The following SPECC1L variants were observed in gnomAD, a reference collection of about 807,000 sequenced individuals.
SPECC1L encodes the protein sperm antigen with calponin homology and coiled-coil domains 1 like, also known as cytospin-A.
SPECC1L carries 40 observed loss-of-function variants against 116.8 expected under a neutral mutation model. The ratio of observed to expected loss-of-function variants is 0.34; its 90% CI spans 0.27 to 0.45. The LOEUF (loss-of-function observed/expected upper bound fraction) is 0.45. Among genes scored for constraint, SPECC1L ranks in the 20% least tolerant of loss-of-function variants. The pLI is 1.00. For synonymous variants in SPECC1L, 504 were observed against 500.6 expected, an observed-to-expected ratio of 1.01 and a Z score of -0.09; for missense variants, 1,110 against 1,373.6, an observed-to-expected ratio of 0.81 and a Z score of 3.03.
chr22:24,356,319 T>C (rs2041532677), intron 11 of SPECC1L, among the ~76,000 whole-genome samples: 1 of 152,198 alleles, frequency 6.6e-6, no homozygotes, highest in African/African-American at 2.4e-5. Context: ...TTTAGTTCTA[T>C]CAGGTTTTAC....
At chr22:24,405,386 G>A (rs996063317) in intron 14 of SPECC1L, among the ~76,000 whole-genome samples, 3 of 151,730 alleles carry the variant, frequency 2.0e-5, no homozygotes, top group African/African-American at 4.8e-5. Context: ...TATGATGAGG[G>A]TCAGCAGAAT....
chr22:24,327,223 A>G (rs563619140), intron 6 of SPECC1L, among the ~76,000 whole-genome samples: 51 of 139,176 alleles, frequency 3.7e-4, no homozygotes, highest in Admixed American at 6.3e-4. Flanking sequence ...GGTTGCAGTG[A>G]GCTGAAATCA....
intron 14 of SPECC1L, among the ~76,000 whole-genome samples, chr22:24,392,311 A>G (rs2042288088): frequency 6.6e-6 from 1 of 152,026 alleles, no homozygotes; most frequent in African/African-American, 2.4e-5. Flanking sequence ...CTCTGGGTCA[A>G]ATAATCTTTA....
chr22:24,320,899 C>G (rs1237162616), intron 4 of SPECC1L, among the ~76,000 whole-genome samples: 1 of 152,202 alleles, frequency 6.6e-6, no homozygotes, highest in Non-Finnish European at 1.5e-5. Flanking sequence ...CACCGACTGG[C>G]TAATCCTGGA....
chr22:24,275,219 G>A lies in SPECC1L; in HGVS notation c.-141-1481G>A, dbSNP rs139756406. On this transcript the variant is annotated intron_variant, in intron 1 of 16. Coordinates refer to ENST00000314328, the MANE Select transcript of SPECC1L (RefSeq NM_015330.6). ...TAAGTGTGTGGCTTGACAGAAAGTT[G>A]TTGACTCTGCTGGGGTGCTGGTACA... Among the ~76,000 whole-genome samples, 1,385 of 152,344 alleles carry A rather than the reference G, an allele frequency of 9.1e-3. 9 individuals carry two copies. Among genetic ancestry groups the A allele is most frequent in the African/African-American group, 0.031 (1,291 of 41,562 alleles).
At chr22:24,354,341 T>G (rs1056464880) in intron 11 of SPECC1L, among the ~76,000 whole-genome samples, 5 of 152,250 alleles carry the variant, frequency 3.3e-5, no homozygotes, top group African/African-American at 4.8e-5. Context: ...TACCGTGGTG[T>G]TTCAGTGGTG....
At chr22:24,342,562 A>G (rs1300986171) in intron 10 of SPECC1L, among the ~76,000 whole-genome samples, 2 of 151,932 alleles carry the variant, frequency 1.3e-5, no homozygotes, top group Non-Finnish European at 2.9e-5. Flanking sequence ...AATCCCAGCT[A>G]CGCAGGAGGC....
Position 24,322,634 on chromosome 22 carries a change from C to T in SPECC1L, c.1654C>T (p.Gln552Ter). The T allele has an allele frequency of 6.2e-7, 1 of 1,613,914 alleles. No homozygotes were observed. The highest frequency in any genetic ancestry group is 8.5e-7 in the Non-Finnish European group (1 of 1,179,962). ...TATGGAGCGAATTATTGAGTCTGAG[C>T]AGAAAGGAAAAGCAGCCTTGGCAGC... is the stretch of plus-strand genomic sequence containing the variant. ...HHMERIIESE[Q>*]KGKAALAATL... The change falls in exon 5 of 17, where the codon CAG becomes TAG. Residue 552 changes from glutamine (Q) to a stop codon, truncating the protein, a stop_gained. Coordinates refer to ENST00000314328, the MANE Select transcript of SPECC1L (RefSeq NM_015330.6). LOFTEE classifies it high-confidence loss of function.
rs1269715453 is a variant in SPECC1L, at chr22:24,338,474, G to A, written c.2649G>A (p.Met883Ile). The A allele has an allele frequency of 6.2e-7, 1 of 1,614,008 alleles. No homozygotes were observed. Among genetic ancestry groups the A allele is most frequent in the Non-Finnish European group, 8.5e-7 (1 of 1,179,922 alleles). The part of the protein sequence containing the change: ...KTPPAAAVSP[M>I]QRHSISGPIS... ...CTCCTGCAGCAGCTGTGTCCCCTAT[G>A]CAGGTGAGTGCCTGGAACCACAGGA... Residue 883 changes from methionine to isoleucine, a missense_variant, in exon 10 of 17, where the codon ATG becomes ATA. Around this residue, in one of 4 missense-constraint regions of SPECC1L, gnomAD observed 575 missense variants for 682.4 expected, o/e 0.84. Transcript: ENST00000314328.
chr22:24,343,131 T>A (rs1050761232), intron 10 of SPECC1L, among the ~76,000 whole-genome samples: 2 of 151,850 alleles, frequency 1.3e-5, no homozygotes, highest in African/African-American at 4.8e-5. Flanking sequence ...GAGGCAGAGG[T>A]TGCAGTGAGC....
At position 24,412,797 on chromosome 22, in the gene SPECC1L, G is replaced by A. The variant is rs185535055; in HGVS notation, c.3264+90G>A. 8 of 1,415,762 alleles carry A rather than the reference G, an allele frequency of 5.7e-6. No homozygotes were observed. The Admixed American group carries it at 1.0e-4, about 18-fold the overall frequency. The allele number at this position is 1,415,762 out of a possible 1,614,324, so 87.7% of individuals were successfully genotyped here. A position where few individuals can be genotyped will look rare whatever the true frequency, so the allele number is the denominator to read the frequency against. On this transcript the variant is annotated intron_variant, in intron 16 of 16. Transcript: ENST00000314328. The stretch of plus-strand genomic sequence containing the variant: ...GTTTAAGCTGAATCCTCGTGGGCAT[G>A]GGGTAGTGTGGCTGCCTGGTAAAAG...
chr22:24,368,081 CT>C (rs2041806587), intron 13 of SPECC1L, among the ~76,000 whole-genome samples: 1 of 152,116 alleles, frequency 6.6e-6, no homozygotes, highest in Non-Finnish European at 1.5e-5. Context: ...ATTGCAAAAC[CT>C]TTTTTGATTA....
Position 24,365,544 on chromosome 22 carries a change from C to T in SPECC1L, c.2896C>T (p.Leu966=), listed in dbSNP as rs1430423521. The T allele has an allele frequency of 6.2e-7, 1 of 1,614,080 alleles. No homozygotes were observed. The highest frequency in any genetic ancestry group is 2.2e-5 in the East Asian group (1 of 44,878). The change falls in exon 13 of 17, where the codon CTG becomes TTG. Residue 966 remains leucine, a synonymous_variant. Coordinates refer to ENST00000314328, the MANE Select transcript of SPECC1L (RefSeq NM_015330.6). ...ACAGGAGGGAGCGTCGCCAGCCTCTCTGATGGCTATGGGAACCACGTCTCC... is the reference window on the plus strand; with the variant it reads ...ACAGGAGGGAGCGTCGCCAGCCTCTTTGATGGCTATGGGAACCACGTCTCC... ...SAQEGASPAS[L]MAMGTTSPQL...
chr22:24,414,453 C>A, intron 16 of SPECC1L, 81 bp from the exon 17 acceptor site: 1 of 1,135,530 alleles, frequency 8.8e-7, no homozygotes, highest in Non-Finnish European at 1.3e-6. Flanking sequence ...ACTCCAAGAG[C>A]CCATGTTGCT....
At chr22:24,309,125 A>G (rs969810830) in intron 3 of SPECC1L, among the ~76,000 whole-genome samples, 3 of 150,382 alleles carry the variant, frequency 2.0e-5, no homozygotes, top group Admixed American at 6.8e-5. Flanking sequence ...AGATGTGTTC[A>G]TTGCTTTTGG....
At chr22:24,351,527 A>G (rs1377551806) in intron 11 of SPECC1L, among the ~76,000 whole-genome samples, 2 of 152,322 alleles carry the variant, frequency 1.3e-5, no homozygotes, top group African/African-American at 4.8e-5. Flanking sequence ...AGCTGGTCTC[A>G]TTCTCCACTT....
chr22:24,362,992 G>C (rs959647830), intron 11 of SPECC1L, among the ~76,000 whole-genome samples: 2 of 152,198 alleles, frequency 1.3e-5, no homozygotes, highest in Non-Finnish European at 2.9e-5. Flanking sequence ...CATCAAACAG[G>C]TAAGTGGCAG....
intron 14 of SPECC1L, among the ~76,000 whole-genome samples, chr22:24,391,757 C>T (rs1361629190): frequency 6.6e-6 from 1 of 152,142 alleles, no homozygotes; most frequent in Non-Finnish European, 1.5e-5. Flanking sequence ...GTGGGCAGAC[C>T]TAAGCAGTTT....
chr22:24,398,920 G>A (rs1238129138), intron 14 of SPECC1L, among the ~76,000 whole-genome samples: 1 of 152,106 alleles, frequency 6.6e-6, no homozygotes, highest in East Asian at 1.9e-4. Flanking sequence ...TTTCCACGAG[G>A]GTCTTTTTCA....
Sources: gnomAD v4.1 joint callset for allele counts (sites outside exome capture counted in the v4.1 genomes callset) on GRCh38, gnomAD v4.1.1 for gene constraint, gnomAD v4.1.1 regional missense constraint, MANE v1.5 for transcripts, NCBI Gene and HGNC (gene_info 2026-07-23, HGNC 2026-07-21) for gene names.